Variants in MICU3 observed in about 807,000 individuals in gnomAD.
MICU3 encodes calcium uptake protein 3, mitochondrial.
Under a neutral mutation model 66.5 loss-of-function variants are expected in MICU3, and 62 were observed. That is an observed-to-expected ratio of 0.93 (90% CI 0.76 to 1.15). The LOEUF (loss-of-function observed/expected upper bound fraction) is 1.15. MICU3 is among the 50% of genes most tolerant of loss of function. MICU3 has a pLI of 0.00. For missense variants in MICU3, 779 were observed against 664.4 expected (o/e 1.17, Z -1.90); for synonymous variants, 308 against 240.7 (o/e 1.28, Z -2.59).
chr8:17,098,908 T>G (rs1262879017), intron 9 of MICU3, among the ~76,000 whole-genome samples: 1 of 151,708 alleles, frequency 6.6e-6, no homozygotes, highest in African/African-American at 2.4e-5. Context: ...TATGTTAGAT[T>G]TAAACAAATT....
chr8:17,102,733 T>G (rs920290360), intron 9 of MICU3: 1 of 151,958 alleles, frequency 6.6e-6, no homozygotes. Flanking sequence ...AAACATAGTA[T>G]GTGACACTTG....
Position 17,051,144 on chromosome 8 carries a change from A to G in MICU3, c.382-12940A>G, listed in dbSNP as rs1156400474. On this transcript the variant is annotated intron_variant, in intron 1 of 14. Coordinates refer to ENST00000318063, the MANE Select transcript of MICU3 (RefSeq NM_181723.3). ...AAGTTCATTGAACATGTTTTATTACATGGCCCTCCCCACCTTATATTTTTC... is the reference window on the plus strand; with the variant it reads ...AAGTTCATTGAACATGTTTTATTACGTGGCCCTCCCCACCTTATATTTTTC... 2.6e-5 allele frequency among the ~76,000 whole-genome samples: 4 copies of G among 152,314 alleles called. No homozygotes were observed. In the East Asian group the frequency reaches 5.8e-4, roughly 22 times the overall value.
chr8:17,119,866 A>G (rs1803059243), intron 14 of MICU3, among the ~76,000 whole-genome samples: 1 of 152,186 alleles, frequency 6.6e-6, no homozygotes, highest in African/African-American at 2.4e-5. Context: ...CTAAGGTGGT[A>G]ACCGTTGTAG....
At chr8:17,133,387 A>G in the MICU3 span, among the ~76,000 whole-genome samples, 1 of 152,174 alleles carries the variant, frequency 6.6e-6, no homozygotes, top group Admixed American at 6.5e-5. Context: ...TTTGCCACAT[A>G]TATTTTTTTA....
intron 4 of MICU3, among the ~76,000 whole-genome samples, chr8:17,078,634 A>G (rs1156603799): frequency 1.3e-5 from 2 of 152,090 alleles, no homozygotes; most frequent in Non-Finnish European, 2.9e-5. Flanking sequence ...CTTTTCATCA[A>G]TTTTAACCAA....
chr8:17,136,837 CTTTT>C, the MICU3 span, among the ~76,000 whole-genome samples: 1 of 140,352 alleles, frequency 7.1e-6, no homozygotes. Flanking sequence ...GGAGATAAAC[CTTTT>C]TTTTTTTTTT....
Position 17,027,275 on chromosome 8 carries a change from C to G in MICU3, c.-5C>G. The stretch of plus-strand genomic sequence containing the variant: ...CTCCCAGCTCTGGTGTGGGCGGCCT[C>G]CGCTATGGCTGCGCTGCGAAGGCTC... On this transcript the variant is annotated 5_prime_UTR_variant, in exon 1 of 15. Transcript: ENST00000318063. The G allele has an allele frequency of 8.2e-7, 1 of 1,215,914 alleles. No individual in the cohort carries two copies. The highest frequency in any genetic ancestry group is 1.0e-6 in the Non-Finnish European group (1 of 963,628). The allele number at this position is 1,215,914 out of a possible 1,614,324, so 75.3% of individuals were successfully genotyped here. A position where few individuals can be genotyped will look rare whatever the true frequency, so the allele number is the denominator to read the frequency against.
rs184862968 is a variant in MICU3, at chr8:17,081,747, A to G, written c.694+7A>G. On this transcript the variant is annotated splice_region_variant and intron_variant, in intron 5 of 14. Transcript: ENST00000318063. ...CTTTTATGTATTTTAACAAGTAAGT[A>G]TACTTATTGCTTTTATTTCTGGATG... is the stretch of plus-strand genomic sequence containing the variant. 4.3e-6 allele frequency: 4 copies of G among 938,872 alleles called. No individual in the cohort carries two copies. Among genetic ancestry groups the G allele is most frequent in the East Asian group, 2.9e-5 (1 of 34,134 alleles). 58.2% of individuals were successfully genotyped at this position (938,872 alleles called of 1,614,324 possible).
chr8:17,044,561 A>C lies in MICU3; in HGVS notation c.381+16901A>C, dbSNP rs548292374. On this transcript the variant is annotated intron_variant, in intron 1 of 14. Coordinates refer to ENST00000318063, the MANE Select transcript of MICU3 (RefSeq NM_181723.3). ...GAAAAATTGGTGAAAACATTGTGGT[A>C]TATTGATTGACTGATTCACAGTACT... Among the ~76,000 whole-genome samples, 3 of 152,338 alleles carry C rather than the reference A, an allele frequency of 2.0e-5. No individual in the cohort carries two copies. The South Asian group carries it at 6.2e-4, about 32-fold the overall frequency.
At chr8:17,075,148 T>A (rs894058344) in intron 3 of MICU3, among the ~76,000 whole-genome samples, 1 of 152,204 alleles carries the variant, frequency 6.6e-6, no homozygotes, top group Non-Finnish European at 1.5e-5. Flanking sequence ...GGGAAGGTCC[T>A]GAACACAGAG....
chr8:17,031,628 ATTTTGATGTT>A (rs1812088714), intron 1 of MICU3, among the ~76,000 whole-genome samples: 1 of 152,152 alleles, frequency 6.6e-6, no homozygotes, highest in East Asian at 1.9e-4. Context: ...TAAATGATTC[ATTTTGATGTT>A]TAAAACTATA....
the MICU3 span, among the ~76,000 whole-genome samples, chr8:17,130,975 T>C: frequency 1.3e-5 from 2 of 152,056 alleles, no homozygotes; most frequent in African/African-American, 2.4e-5. Context: ...ACATGTAAAA[T>C]GATAGAGAAA....
chr8:17,071,018 G>A (rs1313094530), intron 3 of MICU3, among the ~76,000 whole-genome samples: 1 of 152,078 alleles, frequency 6.6e-6, no homozygotes, highest in African/African-American at 2.4e-5. Flanking sequence ...ACAGAACAGT[G>A]CGCAACTTAA....
At chr8:17,100,580 G>A (rs1014947091) in intron 9 of MICU3, among the ~76,000 whole-genome samples, 5 of 151,398 alleles carry the variant, frequency 3.3e-5, no homozygotes, top group Non-Finnish European at 7.4e-5. Context: ...AAGAAGGCTT[G>A]GAAATCTATT....
intron 1 of MICU3, among the ~76,000 whole-genome samples, chr8:17,030,630 T>C (rs2150474292): frequency 6.6e-6 from 1 of 152,120 alleles, no homozygotes; most frequent in Middle Eastern, 3.4e-3. Flanking sequence ...ATGGGAGGTG[T>C]AGTAGTCTTC....
intron 1 of MICU3, among the ~76,000 whole-genome samples, chr8:17,047,920 A>T (rs1355237376): frequency 6.6e-6 from 1 of 152,210 alleles, no homozygotes; most frequent in Non-Finnish European, 1.5e-5. Context: ...TTAACCATTG[A>T]TTGTATACAA....
chr8:17,070,222 G>A (rs1819345027), intron 3 of MICU3, among the ~76,000 whole-genome samples: 1 of 151,716 alleles, frequency 6.6e-6, no homozygotes, highest in Non-Finnish European at 1.5e-5. Context: ...ATATATGATG[G>A]CCCCAAAACT....
intron 3 of MICU3, among the ~76,000 whole-genome samples, chr8:17,073,976 T>A (rs1267769353): frequency 6.6e-6 from 1 of 152,174 alleles, no homozygotes; most frequent in African/African-American, 2.4e-5. Context: ...ACTATTTTCA[T>A]CATAATATTG....
At chr8:17,036,265 A>G (rs1313017935) in intron 1 of MICU3, among the ~76,000 whole-genome samples, 1 of 152,162 alleles carries the variant, frequency 6.6e-6, no homozygotes, top group African/African-American at 2.4e-5. Context: ...TGCTGGGCTC[A>G]GGAGTGAAGC....
Sources: allele counts gnomAD v4.1 joint callset (sites outside exome capture counted in the v4.1 genomes callset), GRCh38; gene constraint gnomAD v4.1.1; transcripts MANE v1.5; gene names NCBI Gene and HGNC (gene_info 2026-07-23, HGNC 2026-07-21).